The following IFIT1 variants were observed in gnomAD, a reference collection of about 807,000 sequenced individuals.
IFIT1 encodes interferon induced protein with tetratricopeptide repeats 1, also known as antiviral innate immune response effector IFIT1.
Under a neutral mutation model 2.5 loss-of-function variants are expected in IFIT1, and 1 was observed. The ratio of observed to expected loss-of-function variants is 0.40; its 90% CI spans 0.14 to 1.92. The LOEUF is 1.92. IFIT1 is among the 40% of genes most tolerant of loss of function. The probability of loss-of-function intolerance (pLI) is 0.31; values close to 1 mark genes in which losing one functional copy is unlikely to be tolerated. For missense variants in IFIT1, 508 were observed against 557.8 expected, an observed-to-expected ratio of 0.91 and a Z score of 0.90; for synonymous variants, 191 against 201.7, an observed-to-expected ratio of 0.95 and a Z score of 0.45.
rs1062926 is a variant in IFIT1 at position 89,403,422 on chromosome 10, C to T, written c.1147C>T (p.His383Tyr). 6.2e-7 allele frequency: 1 copy of T among 1,613,752 alleles called. No homozygotes were observed. The highest frequency in any genetic ancestry group is 1.3e-5 in the African/African-American group (1 of 74,890). ...VEETMQDIHF[H>Y]YGRFQEFQKK... Reference sequence around the variant, plus strand: ...AGAAACAATGCAAGACATACATTTCCACTATGGTCGGTTTCAGGAATTTCA... The same window carrying T: ...AGAAACAATGCAAGACATACATTTCTACTATGGTCGGTTTCAGGAATTTCA... The change falls in exon 2 of 2, where the codon CAC becomes TAC. Residue 383 changes from histidine (H) to tyrosine (Y), a missense_variant. Physicochemically the swap from His to Tyr is moderately conservative, Grantham distance 83 (BLOSUM62 2). Transcript: ENST00000371804.
At chr10:89,401,376 C>A (rs766755496) in intron 1 of IFIT1, among the ~76,000 whole-genome samples, 1 of 152,110 alleles carries the variant, frequency 6.6e-6, no homozygotes, top group Non-Finnish European at 1.5e-5. Context: ...CTGCCTCGGC[C>A]TCCCAAAGTT....
intron 1 of IFIT1, among the ~76,000 whole-genome samples, chr10:89,395,560 G>A (rs1376417364): frequency 2.0e-5 from 3 of 152,106 alleles, no homozygotes; most frequent in African/African-American, 7.2e-5. Context: ...TTCCGAGAGA[G>A]TGGCTGTCTC....
chr10:89,393,453 C>A, intron 1 of IFIT1: 1 of 495,180 alleles, frequency 2.0e-6, no homozygotes, highest in Non-Finnish European at 3.2e-6. Flanking sequence ...ATTACTTAGG[C>A]CGGGCAAGGG....
chr10:89,399,810 C>T (rs1017323462), intron 1 of IFIT1, among the ~76,000 whole-genome samples: 1 of 149,316 alleles, frequency 6.7e-6, no homozygotes, highest in African/African-American at 2.4e-5. Flanking sequence ...TAAATAAAAT[C>T]GTAAGAGTGA....
chr10:89,403,726 A>G lies in IFIT1; in HGVS notation c.*14A>G. Reference sequence around the variant, plus strand: ...CAAGGTCCTTAGGCACCCAGATATCAGCCACTTTCACATTTCATTTCATTT... The same window carrying G: ...CAAGGTCCTTAGGCACCCAGATATCGGCCACTTTCACATTTCATTTCATTT... On this transcript the variant is annotated 3_prime_UTR_variant, in exon 2 of 2. Transcript: ENST00000371804. The G allele has an allele frequency of 7.3e-7, 1 of 1,377,866 alleles. No homozygotes were observed. The highest frequency in any genetic ancestry group is 1.3e-5 in the South Asian group (1 of 77,208). 85.4% of individuals were successfully genotyped at this position (1,377,866 alleles called of 1,614,324 possible).
chr10:89,401,995 A>C (rs563874207), intron 1 of IFIT1, among the ~76,000 whole-genome samples: 1 of 152,338 alleles, frequency 6.6e-6, no homozygotes, highest in South Asian at 2.1e-4. Flanking sequence ...TAAGTTTATT[A>C]ATCCTCACCA....
intron 1 of IFIT1, chr10:89,393,042 T>A (rs767425468): frequency 1.5e-4 from 131 of 876,726 alleles, no homozygotes; most frequent in Non-Finnish European, 2.0e-4. Flanking sequence ...CCCATCAGAT[T>A]CACTTCTGTC....
chr10:89,400,795 C>A lies in IFIT1; in HGVS notation c.6-1486C>A, dbSNP rs552807844. ...TTGCTCTGACTAGAATTTCCAGTAC[C>A]ATGTTGAATAGAAGTGGTGAAAGGA... On this transcript the variant is annotated intron_variant, in intron 1 of 1. Transcript: ENST00000371804. Among the ~76,000 whole-genome samples, 21 of 152,238 alleles carry A rather than the reference C, an allele frequency of 1.4e-4. 1 individual carries two copies. The East Asian group carries it at 3.5e-3, about 25-fold the overall frequency.
At chr10:89,395,131 T>C (rs1208413129) in intron 1 of IFIT1, among the ~76,000 whole-genome samples, 1 of 152,108 alleles carries the variant, frequency 6.6e-6, no homozygotes, top group East Asian at 1.9e-4. Flanking sequence ...TGGTGACCAC[T>C]TCCCTATAGC....
chr10:89,402,131 C>CATG, intron 1 of IFIT1, 150 bp from the exon 2 acceptor site: 1 of 614,550 alleles, frequency 1.6e-6, no homozygotes, highest in South Asian at 2.1e-5. Flanking sequence ...ATCAACAGTC[C>CATG]ATGAATAACT....
intron 1 of IFIT1, among the ~76,000 whole-genome samples, chr10:89,401,645 A>G (rs1844425312): frequency 6.6e-6 from 1 of 152,164 alleles, no homozygotes; most frequent in Non-Finnish European, 1.5e-5. Flanking sequence ...TGTTGTACCA[A>G]TGTCAATTTT....
intron 1 of IFIT1, chr10:89,393,295 GC>G: frequency 7.8e-7 from 1 of 1,289,278 alleles, no homozygotes; most frequent in Non-Finnish European, 1.0e-6. Flanking sequence ...ATCAGGCTGA[GC>G]TTAAGATAAA....
intron 1 of IFIT1, among the ~76,000 whole-genome samples, chr10:89,395,309 A>G (rs1043280343): frequency 6.6e-6 from 1 of 151,378 alleles, no homozygotes; most frequent in African/African-American, 2.4e-5. Context: ...CAGGAAACCC[A>G]CCTAGGTAAC....
At position 89,403,640 on chromosome 10, in the gene IFIT1, A is replaced by C. The variant is rs202103656; in HGVS notation, c.1365A>C (p.Glu455Asp). 18 of 1,614,052 alleles carry C rather than the reference A, an allele frequency of 1.1e-5. No individual in the cohort carries two copies. The Admixed American group carries it at 1.7e-4, about 15-fold the overall frequency. The change falls in exon 2 of 2, where the codon GAA (glutamate) becomes GAC (aspartate). Residue 455 changes from glutamate to aspartate, a missense_variant. Physicochemically the swap from Glu to Asp is conservative, Grantham distance 45. Transcript: ENST00000371804. ...FVYKLEGNMN[E>D]ALEYYERALR... Reference sequence around the variant, plus strand: ...ACAAATTGGAAGGAAATATGAATGAAGCCCTGGAGTACTATGAGCGGGCCC... The same window carrying C: ...ACAAATTGGAAGGAAATATGAATGACGCCCTGGAGTACTATGAGCGGGCCC...
chr10:89,403,621 T>A lies in IFIT1; in HGVS notation c.1346T>A (p.Leu449Ter). The A allele has an allele frequency of 6.2e-7, 1 of 1,614,074 alleles. No individual in the cohort carries two copies. Among genetic ancestry groups the A allele is most frequent in the East Asian group, 2.2e-5 (1 of 44,878 alleles). The change falls in exon 2 of 2, where the codon TTG becomes TAG. Residue 449 changes from leucine (L) to a stop codon, truncating the protein, a stop_gained. Transcript: ENST00000371804. LOFTEE classifies it low-confidence loss of function (END_TRUNC). ...AGCCTCCTTGGGTTCGTCTACAAAT[T>A]GGAAGGAAATATGAATGAAGCCCTG... ...SLSLLGFVYK[L>*]EGNMNEALEY... is the part of the protein sequence containing the mutation.
In IFIT1 at chr10:89,403,665, C is replaced by G. The variant is rs1844480686; in HGVS notation, c.1390C>G (p.Leu464Val). 1 of 1,605,764 alleles carries G rather than the reference C, an allele frequency of 6.2e-7. No individual in the cohort carries two copies. Among genetic ancestry groups the G allele is most frequent in the Non-Finnish European group, 8.5e-7 (1 of 1,177,664 alleles). The change falls in exon 2 of 2, where the codon CTG becomes GTG. Residue 464 changes from leucine (L) to valine (V), a missense_variant. Physicochemically the swap from Leu to Val is conservative, Grantham distance 32 (BLOSUM62 1). Coordinates refer to ENST00000371804, the MANE Select transcript of IFIT1 (RefSeq NM_001548.5). ...AGCCCTGGAGTACTATGAGCGGGCC[C>G]TGAGACTGGCTGCTGACTTTGAGAA... ...NEALEYYERA[L>V]RLAADFENSV... is the part of the protein sequence containing the mutation.
chr10:89,396,711 C>T (rs944686948), intron 1 of IFIT1, among the ~76,000 whole-genome samples: 24 of 152,198 alleles, frequency 1.6e-4, no homozygotes, highest in Admixed American at 1.2e-3. Flanking sequence ...GTATCCAAAC[C>T]ATAGCACTTG....
At position 89,403,214 on chromosome 10, in the gene IFIT1, G is replaced by GAA; in HGVS notation, c.940_941dup (p.Asn314LysfsTer6). 1 of 1,614,134 alleles carries GAA rather than the reference G, an allele frequency of 6.2e-7. No individual in the cohort carries two copies. Among genetic ancestry groups the GAA allele is most frequent in the Non-Finnish European group, 8.5e-7 (1 of 1,180,018 alleles). On this transcript the variant is annotated frameshift_variant, in exon 2 of 2. Coordinates refer to ENST00000371804, the MANE Select transcript of IFIT1 (RefSeq NM_001548.5). LOFTEE classifies it low-confidence loss of function (END_TRUNC). ...CTACAAAAGGGCAGCCTAGAGGGCA[G>GAA]AACAGAGAAAAGCTAGACAAAATGA...
chr10:89,401,075 G>C (rs975097496), intron 1 of IFIT1, among the ~76,000 whole-genome samples: 1 of 147,820 alleles, frequency 6.8e-6, no homozygotes, highest in African/African-American at 2.5e-5. Context: ...ATTAATTTTT[G>C]TATATTGAAC....
Sources: gnomAD v4.1 joint callset for allele counts (sites outside exome capture counted in the v4.1 genomes callset) on GRCh38, gnomAD v4.1.1 for gene constraint, MANE v1.5 for transcripts, NCBI Gene and HGNC (gene_info 2026-07-23, HGNC 2026-07-21) for gene names.